DUSP16: variants seen among roughly 807,000 people sequenced by gnomAD.
The protein encoded by DUSP16 is dual specificity protein phosphatase 16.
A neutral mutation model predicts 58.3 loss-of-function variants in DUSP16; 21 were observed. The observed-to-expected ratio is 0.36, with a 90% confidence interval of 0.26 to 0.52. DUSP16 has a LOEUF of 0.52. Among genes scored for constraint, DUSP16 ranks in the 20% least tolerant of loss-of-function variants. DUSP16 has a pLI of 0.94. For missense variants in DUSP16, 726 were observed against 819.0 expected, an observed-to-expected ratio of 0.89 and a Z score of 1.39; for synonymous variants, 320 against 323.8, an observed-to-expected ratio of 0.99 and a Z score of 0.12.
chr12:12,529,799 G>A (rs554982418), intron 1 of DUSP16, among the ~76,000 whole-genome samples: 4 of 152,240 alleles, frequency 2.6e-5, no homozygotes, highest in Admixed American at 2.6e-4. Flanking sequence ...GTCTTCCTGT[G>A]TCTTGTTTAT....
chr12:12,560,177 AAT>A (rs1408215964), intron 1 of DUSP16, among the ~76,000 whole-genome samples: 1 of 152,152 alleles, frequency 6.6e-6, no homozygotes, highest in African/African-American at 2.4e-5. Context: ...TTGGCACTAT[AAT>A]CAAGCCAAAT....
intron 6 of DUSP16, among the ~76,000 whole-genome samples, chr12:12,479,390 G>C (rs948019521): frequency 6.6e-6 from 1 of 152,164 alleles, no homozygotes; most frequent in East Asian, 1.9e-4. Context: ...ACTTCATAAC[G>C]TGATAGAAGG....
chr12:12,548,630 CAAAAAAA>C (rs898316799), intron 1 of DUSP16, among the ~76,000 whole-genome samples: 6 of 63,386 alleles, frequency 9.5e-5, no homozygotes, highest in East Asian at 4.6e-4. Context: ...GACTCTGTCT[CAAAAAAA>C]AAAAAAAAAA....
chr12:12,548,048 G>T (rs756827525), intron 1 of DUSP16, among the ~76,000 whole-genome samples: 10 of 152,130 alleles, frequency 6.6e-5, no homozygotes, highest in Non-Finnish European at 1.3e-4. Flanking sequence ...AAGCAGAGAT[G>T]ACAGTTACTG....
intron 5 of DUSP16, among the ~76,000 whole-genome samples, chr12:12,480,743 G>GAGAT (rs1462014261): frequency 3.3e-5 from 5 of 152,050 alleles, no homozygotes; most frequent in Non-Finnish European, 7.4e-5. Flanking sequence ...TTACTATTTT[G>GAGAT]AGATAGAGTC....
chr12:12,539,301 T>C (rs1229215881), intron 1 of DUSP16, among the ~76,000 whole-genome samples: 1 of 152,186 alleles, frequency 6.6e-6, no homozygotes, highest in Admixed American at 6.5e-5. Flanking sequence ...CCTCTATAAT[T>C]TGAATAATAA....
At chr12:12,499,287 T>C (rs1943875889) in intron 4 of DUSP16, among the ~76,000 whole-genome samples, 1 of 152,256 alleles carries the variant, frequency 6.6e-6, no homozygotes, top group Non-Finnish European at 1.5e-5. Flanking sequence ...AGAAATTAAT[T>C]TTGCTTTCTG....
At position 12,475,788 on chromosome 12, in the gene DUSP16, C is replaced by T. The variant is rs1943420143; in HGVS notation, c.*1045G>A. The T allele has an allele frequency of 6.6e-6, 1 of 152,216 alleles. No individual in the cohort carries two copies. The highest frequency in any genetic ancestry group is 1.5e-5 in the Non-Finnish European group (1 of 68,038). 9.4% of individuals were successfully genotyped at this position (152,216 alleles called of 1,614,324 possible). ...AATTCTGCCATATTATTACATTTTA[C>T]CAACTGTATCCATGCAGTGAAGCAG... On this transcript the variant is annotated 3_prime_UTR_variant, in exon 7 of 7. Coordinates refer to ENST00000298573, the MANE Select transcript of DUSP16 (RefSeq NM_030640.3).
At chr12:12,551,663 T>C (rs1239271320) in intron 1 of DUSP16, among the ~76,000 whole-genome samples, 1 of 151,810 alleles carries the variant, frequency 6.6e-6, no homozygotes, top group African/African-American at 2.4e-5. Flanking sequence ...TGTGCCAACA[T>C]TTCAAAGATG....
In DUSP16 at chr12:12,476,649, C is replaced by G; in HGVS notation, c.*184G>C. 1.8e-6 allele frequency: 1 copy of G among 548,024 alleles called. No homozygotes were observed. Among genetic ancestry groups the G allele is most frequent in the East Asian group, 3.1e-5 (1 of 32,312 alleles). 33.9% of individuals were successfully genotyped at this position (548,024 alleles called of 1,614,324 possible). The stretch of plus-strand genomic sequence containing the variant: ...CCATTTTTGTTGAGAGAAGTATTAG[C>G]TGATCTCTCAAATGCAGATGTTAAG... On this transcript the variant is annotated 3_prime_UTR_variant, in exon 7 of 7. Transcript: ENST00000298573.
At chr12:12,509,522 G>C (rs1252535792) in intron 3 of DUSP16, among the ~76,000 whole-genome samples, 3 of 151,632 alleles carry the variant, frequency 2.0e-5, no homozygotes, top group Non-Finnish European at 4.4e-5. Context: ...AGCGTATCTA[G>C]ACATGGTCCA....
intron 5 of DUSP16, among the ~76,000 whole-genome samples, chr12:12,483,645 C>G (rs1943619247): frequency 6.7e-6 from 1 of 150,084 alleles, no homozygotes; most frequent in Non-Finnish European, 1.5e-5. Context: ...ATGAGGAGAG[C>G]TGGAGGAAGA....
rs1566020517 is a variant in DUSP16 at position 12,521,057 on chromosome 12, CCT to C, written c.40_41del (p.Arg14ValfsTer16). 6.2e-7 allele frequency: 1 copy of C among 1,614,186 alleles called. No individual in the cohort carries two copies. Reference protein sequence around the residue: ...EMIGTQIVTERLVALLESGTE... With the variant: ...EMIGTQIVTEXLVALLESGTE... ...TTCCACTTTCCAGCAGAGCCACCAA[CCT>C]CTCAGTAACAATTTGAGTTCCAATC... On this transcript the variant is annotated frameshift_variant, in exon 2 of 7. Coordinates refer to ENST00000298573, the MANE Select transcript of DUSP16 (RefSeq NM_030640.3). LOFTEE classifies it high-confidence loss of function.
chr12:12,490,689 T>A (rs973831235), intron 4 of DUSP16, among the ~76,000 whole-genome samples: 3 of 152,212 alleles, frequency 2.0e-5, no homozygotes, highest in Non-Finnish European at 4.4e-5. Flanking sequence ...CTACCACTTC[T>A]ACTTTTCATT....
chr12:12,500,694 C>A lies in DUSP16; in HGVS notation c.368-12G>T. 6.5e-7 allele frequency: 1 copy of A among 1,538,886 alleles called. No homozygotes were observed. The highest frequency in any genetic ancestry group is 8.7e-7 in the Non-Finnish European group (1 of 1,149,154). On this transcript the variant is annotated splice_polypyrimidine_tract_variant and intron_variant, in intron 3 of 6. Transcript: ENST00000298573. ...CTCAGCAAACCCACCTAAGAATAAA[C>A]ATTATAAAATTATAAAAAATTATGC...
At chr12:12,554,725 T>C (rs1592215777) in intron 1 of DUSP16, 1 of 152,198 alleles carries the variant, frequency 6.6e-6, no homozygotes, top group East Asian at 1.9e-4. Flanking sequence ...AATATGACTA[T>C]TATAGCTGAA....
In DUSP16 at chr12:12,525,103, T is replaced by C. The variant is rs113132135; in HGVS notation, c.-365-3640A>G. ...AAATATACACACTTTTCCTTCTCTT[T>C]GTTCAAATGGTTACAAAGTATAGAC... On this transcript the variant is annotated intron_variant, in intron 1 of 6. Transcript: ENST00000298573. 2.5e-3 allele frequency among the ~76,000 whole-genome samples: 382 copies of C among 152,338 alleles called. 5 individuals carry two copies. The highest frequency in any genetic ancestry group is 8.8e-3 in the African/African-American group (366 of 41,572).
Position 12,477,241 on chromosome 12 carries a change from CT to C in DUSP16, c.1589del (p.Lys530SerfsTer24). The C allele has an allele frequency of 6.2e-7, 1 of 1,614,218 alleles. No individual in the cohort carries two copies. The highest frequency in any genetic ancestry group is 8.5e-7 in the Non-Finnish European group (1 of 1,180,042). The part of the protein sequence containing the change: ...GLSTSQQHLT[K>X]SAGLGLKGWH... Reference sequence around the variant, plus strand: ...AGCCCTTAAGGCCCAGGCCAGCAGACTTCGTGAGGTGCTGCTGGCTGGTGGA... The same window carrying C: ...AGCCCTTAAGGCCCAGGCCAGCAGACTCGTGAGGTGCTGCTGGCTGGTGGA... On this transcript the variant is annotated frameshift_variant, in exon 7 of 7. Coordinates refer to ENST00000298573, the MANE Select transcript of DUSP16 (RefSeq NM_030640.3). LOFTEE classifies it high-confidence loss of function. This position sits in a 1 kb window ranked among gnomAD's most constrained non-coding sequence, Gnocchi z 4.1.
intron 5 of DUSP16, among the ~76,000 whole-genome samples, chr12:12,482,091 T>A (rs1354386750): frequency 6.6e-6 from 1 of 152,200 alleles, no homozygotes; most frequent in African/African-American, 2.4e-5. Context: ...GGAAGGAGTC[T>A]GGGTTTTTGT....
Sources: allele counts gnomAD v4.1 joint callset (sites outside exome capture counted in the v4.1 genomes callset), GRCh38; gene constraint gnomAD v4.1.1; non-coding constraint Gnocchi (gnomAD v3.1); transcripts MANE v1.5; gene names NCBI Gene and HGNC (gene_info 2026-07-23, HGNC 2026-07-21).